The following CD84 variants were observed in gnomAD, a reference collection of about 807,000 sequenced individuals.
CD84 encodes the protein SLAM family member 5.
CD84 carries 22 observed loss-of-function variants against 33.8 expected under a neutral mutation model. The ratio of observed to expected loss-of-function variants is 0.65; its 90% confidence interval spans 0.46 to 0.93. The LOEUF (loss-of-function observed/expected upper bound fraction) is 0.93, where lower values mean the gene tolerates loss of function less well. Ranked by LOEUF, CD84 falls within the 40% of genes least tolerant of loss-of-function variation. The pLI, the probability that CD84 is intolerant of heterozygous loss-of-function variation, is 0.00. For synonymous variants in CD84, 154 were observed against 145.2 expected (o/e 1.06, Z -0.44); for missense variants, 400 against 397.6 (o/e 1.01, Z -0.05).
chr1:160,556,383 A>G lies in CD84; in HGVS notation c.389-2237T>C, dbSNP rs181007186. 3.4e-3 allele frequency among the ~76,000 whole-genome samples: 514 copies of G among 152,338 alleles called. 2 individuals carry two copies. Among genetic ancestry groups the G allele is most frequent in the Middle Eastern group, 6.8e-3 (2 of 294 alleles). ...GAGCTTCAGCTCCCTTATTTATAAC[A>G]TGAGGGTAAAAATTTTTCCCTAAAT... On this transcript the variant is annotated intron_variant, in intron 2 of 6. Transcript: ENST00000368054.
chr1:160,553,708 A>T lies in CD84; in HGVS notation c.640+187T>A, dbSNP rs904670926. 10 of 1,009,134 alleles carry T rather than the reference A, an allele frequency of 9.9e-6. No individual in the cohort carries two copies. In the African/African-American group the frequency reaches 1.3e-4, roughly 13 times the overall value. 62.5% of individuals were successfully genotyped at this position (1,009,134 alleles called of 1,614,324 possible). ...AGGGGCTGCCACAGAACACCCAGAA[A>T]TGTCTAGCATCTCTCAGAAGGCTTT... is the stretch of plus-strand genomic sequence containing the variant. On this transcript the variant is annotated intron_variant, in intron 3 of 6. Coordinates refer to ENST00000368054, the MANE Select transcript of CD84 (RefSeq NM_003874.4).
At position 160,565,556 on chromosome 1, in the gene CD84, C is replaced by A. The variant is rs1376767459; in HGVS notation, c.236G>T (p.Arg79Ile). 3.7e-6 allele frequency: 6 copies of A among 1,613,876 alleles called. No individual in the cohort carries two copies. In the Admixed American group the frequency reaches 6.7e-5, roughly 18 times the overall value. The stretch of plus-strand genomic sequence containing the variant: ...GGCATGTATCCGTTCATAATAATTT[C>A]TGTGGGTCACAGTAACTACGGGTGC... ...ETAPVVTVTHRNYYERIHALG... is the reference protein window; with the variant it reads ...ETAPVVTVTHINYYERIHALG... Residue 79 changes from arginine to isoleucine, a missense_variant, in exon 2 of 7, where the codon AGA (arginine) becomes ATA (isoleucine). Physicochemically the swap from Arg to Ile is moderately conservative, Grantham distance 97. Transcript: ENST00000368054.
intron 1 of CD84, among the ~76,000 whole-genome samples, chr1:160,567,201 C>T (rs949984063): frequency 1.3e-5 from 2 of 152,144 alleles, no homozygotes; most frequent in Non-Finnish European, 2.9e-5. Flanking sequence ...TAAAGTTTAT[C>T]CAAGGCTTGG....
intron 1 of CD84, among the ~76,000 whole-genome samples, chr1:160,574,327 A>G (rs768582192): frequency 2.6e-5 from 4 of 152,066 alleles, no homozygotes; most frequent in Admixed American, 6.6e-5. Flanking sequence ...TATATTCTAT[A>G]CTGTTTGTGA....
intron 1 of CD84, chr1:160,571,166 A>C (rs1030249123): frequency 1.3e-5 from 2 of 152,124 alleles, no homozygotes; most frequent in African/African-American, 4.8e-5. Flanking sequence ...ACTTACTGTA[A>C]CACTGAAATC....
rs79237637 is a variant in CD84 at position 160,565,830 on chromosome 1, G to T, written c.47-85C>A. On this transcript the variant is annotated intron_variant, in intron 1 of 6. Transcript: ENST00000368054. ...TCTTTTTGGCCTTGGAGCTCCCTGA[G>T]GAGCTGCCACAAATGCAGTTCACCC... The T allele has an allele frequency of 5.4e-3, 6,381 of 1,181,140 alleles. 275 individuals are homozygous for T. The African/African-American group carries it at 0.088, about 16-fold the overall frequency. 73.2% of individuals were successfully genotyped at this position (1,181,140 alleles called of 1,614,324 possible).
At chr1:160,561,133 T>C (rs1449932887) in intron 2 of CD84, among the ~76,000 whole-genome samples, 1 of 152,084 alleles carries the variant, frequency 6.6e-6, no homozygotes, top group Non-Finnish European at 1.5e-5. Context: ...TTCCAAAAAA[T>C]TGAAAAGGAG....
At chr1:160,558,203 C>A (rs1267187977) in intron 2 of CD84, among the ~76,000 whole-genome samples, 1 of 152,134 alleles carries the variant, frequency 6.6e-6, no homozygotes, top group African/African-American at 2.4e-5. Context: ...AACAGAGGTC[C>A]CTAGCCACCT....
In CD84 at chr1:160,554,095, C is replaced by T. The variant is rs774900590; in HGVS notation, c.440G>A (p.Ser147Asn). The T allele has an allele frequency of 6.2e-7, 1 of 1,614,154 alleles. No homozygotes were observed. The highest frequency in any genetic ancestry group is 1.1e-5 in the South Asian group (1 of 91,088). Reference sequence around the variant, plus strand: ...GCATGTCAGTGTGACATTACAGGTGCTGTTCACAGATGCCATTAAACTCTG... The same window carrying T: ...GCATGTCAGTGTGACATTACAGGTGTTGTTCACAGATGCCATTAAACTCTG... ...ITQSLMASVNSTCNVTLTCSV... is the reference protein window; with the variant it reads ...ITQSLMASVNNTCNVTLTCSV... Residue 147 changes from serine (S) to asparagine (N), a missense_variant, in exon 3 of 7, where the codon AGC becomes AAC. By Grantham distance (46) the Ser-to-Asn change is conservative. Transcript: ENST00000368054.
chr1:160,566,947 C>T (rs7550823), intron 1 of CD84, among the ~76,000 whole-genome samples: 7,580 of 152,206 alleles, frequency 0.05, 639 homozygotes, highest in African/African-American at 0.17. Context: ...TTTTTCTGCT[C>T]TTTCTCCTCC....
intron 1 of CD84, 127 bp from the exon 2 acceptor site, chr1:160,565,872 C>CT (rs10629263): frequency 0.04 from 22,977 of 571,110 alleles, 167 homozygotes; most frequent in African/African-American, 0.099. Context: ...TTGAGGATGC[C>CT]TTTTTTTTTT....
intron 1 of CD84, among the ~76,000 whole-genome samples, chr1:160,567,994 G>T (rs1318372): frequency 6.6e-6 from 1 of 151,946 alleles, no homozygotes; most frequent in African/African-American, 2.4e-5. Flanking sequence ...CTCCATTTTC[G>T]TTTTGCACTG....
intron 2 of CD84, among the ~76,000 whole-genome samples, chr1:160,562,085 A>G (rs1011956003): frequency 2.6e-5 from 4 of 152,240 alleles, no homozygotes; most frequent in South Asian, 4.1e-4. Flanking sequence ...AGAGGACACA[A>G]ATAAGTGGAA....
At chr1:160,570,651 A>G (rs1657634091) in intron 1 of CD84, among the ~76,000 whole-genome samples, 1 of 152,158 alleles carries the variant, frequency 6.6e-6, no homozygotes, top group African/African-American at 2.4e-5. Context: ...GCTTGAGTCC[A>G]GGAGTGCGAG....
chr1:160,571,032 T>G (rs1343862228), intron 1 of CD84: 1 of 152,152 alleles, frequency 6.6e-6, no homozygotes, highest in African/African-American at 2.4e-5. Context: ...AAGATAGAAG[T>G]TGGAACCCCA....
chr1:160,552,079 C>G (rs996725046), intron 4 of CD84, among the ~76,000 whole-genome samples: 3 of 152,236 alleles, frequency 2.0e-5, no homozygotes, highest in Non-Finnish European at 2.9e-5. Flanking sequence ...ACCAACATAC[C>G]TACAAATAAC....
At position 160,565,724 on chromosome 1, in the gene CD84, T is replaced by C. The variant is rs1164767515; in HGVS notation, c.68A>G (p.Asp23Gly). Residue 23 changes from aspartate (D) to glycine (G), a missense_variant, in exon 2 of 7, where the codon GAC (aspartate) becomes GGC (glycine). Asp to Gly is a moderately conservative substitution (Grantham distance 94). Coordinates refer to ENST00000368054, the MANE Select transcript of CD84 (RefSeq NM_003874.4). ...LQTWPEAAGK[D>G]SEIFTVNGIL... ...CCCATTCACTGTGAAGATTTCTGAG[T>C]CTTTTCCAGCTGCTTCCGGCCCTGA... is the stretch of plus-strand genomic sequence containing the variant. 6.2e-7 allele frequency: 1 copy of C among 1,609,704 alleles called. No homozygotes were observed. Among genetic ancestry groups the C allele is most frequent in the South Asian group, 1.1e-5 (1 of 90,600 alleles).
intron 2 of CD84, among the ~76,000 whole-genome samples, chr1:160,563,687 C>G (rs1202353700): frequency 2.0e-5 from 3 of 152,066 alleles, no homozygotes; most frequent in African/African-American, 7.2e-5. Context: ...ACCACCATGG[C>G]ACACATTTAC....
chr1:160,569,549 C>T (rs567909288), intron 1 of CD84, among the ~76,000 whole-genome samples: 5 of 150,718 alleles, frequency 3.3e-5, no homozygotes, highest in South Asian at 2.1e-4. Context: ...CACGCACGCA[C>T]GCACGCACGC....
Sources: allele counts gnomAD v4.1 joint callset (sites outside exome capture counted in the v4.1 genomes callset), GRCh38; gene constraint gnomAD v4.1.1; transcripts MANE v1.5; gene names NCBI Gene and HGNC (gene_info 2026-07-23, HGNC 2026-07-21).